THRB: variants seen among roughly 807,000 people sequenced by gnomAD.
THRB encodes nuclear receptor subfamily 1 group A member 2.
Under a neutral mutation model 47.8 loss-of-function variants are expected in THRB, and 12 were observed. That is an observed-to-expected ratio of 0.25 (90% CI 0.16 to 0.41). The LOEUF is 0.41. Ranked by LOEUF, THRB falls within the 10% of genes least tolerant of loss-of-function variation. The pLI is 1.00. For missense variants in THRB, 348 were observed against 589.2 expected, an observed-to-expected ratio of 0.59 and a Z score of 4.24; for synonymous variants, 218 against 212.2, an observed-to-expected ratio of 1.03 and a Z score of -0.24.
chr3:24,164,928 A>G, intron 5 of THRB: 5 of 618,076 alleles, frequency 8.1e-6, no homozygotes, highest in African/African-American at 1.8e-5. Flanking sequence ...TTAGCGTTCA[A>G]ATTCAAAGAT....
chr3:24,302,870 G>A (rs777452950), intron 2 of THRB, among the ~76,000 whole-genome samples: 23 of 152,150 alleles, frequency 1.5e-4, no homozygotes, highest in Admixed American at 4.6e-4. Flanking sequence ...TTATTATTCA[G>A]TGAGTGTTTA....
intron 9 of THRB, among the ~76,000 whole-genome samples, chr3:24,132,253 A>G (rs1705734): frequency 0.56 from 84,706 of 151,982 alleles, 23,918 homozygotes; most frequent in East Asian, 0.67. Flanking sequence ...TCTATTTGGT[A>G]TCTTTCTGGG....
At chr3:24,210,200 G>C (rs1443295708) in intron 4 of THRB, among the ~76,000 whole-genome samples, 3 of 152,152 alleles carry the variant, frequency 2.0e-5, no homozygotes, top group Non-Finnish European at 4.4e-5. Context: ...ATCTACAACT[G>C]CCTCAATTCT....
At chr3:24,282,114 C>A (rs528184933) in intron 3 of THRB, among the ~76,000 whole-genome samples, 1,278 of 117,976 alleles carry the variant, frequency 0.011, 32 homozygotes, top group African/African-American at 0.048. Flanking sequence ...CTCTCCACCC[C>A]AAATCAACAG....
At chr3:24,399,228 TAA>T (rs77046673) in intron 1 of THRB, among the ~76,000 whole-genome samples, 1 of 137,400 alleles carries the variant, frequency 7.3e-6, no homozygotes, top group Admixed American at 7.3e-5. Flanking sequence ...AAAGTATAAT[TAA>T]AAAAAAAAAA....
chr3:24,340,784 T>C (rs912909852), intron 1 of THRB, among the ~76,000 whole-genome samples: 3 of 152,248 alleles, frequency 2.0e-5, no homozygotes, highest in African/African-American at 7.2e-5. Context: ...GAAAGTCCTG[T>C]TTCTCCATAT....
chr3:24,479,549 T>C (rs1286398817), intron 1 of THRB, among the ~76,000 whole-genome samples: 1 of 152,010 alleles, frequency 6.6e-6, no homozygotes, highest in Non-Finnish European at 1.5e-5. Flanking sequence ...ATGAAGACAG[T>C]ATGGGAGGAA....
At chr3:24,333,937 CT>C (rs199629526) in intron 2 of THRB, among the ~76,000 whole-genome samples, 4,263 of 152,300 alleles carry the variant, frequency 0.028, 62 homozygotes, top group Middle Eastern at 0.041. Flanking sequence ...TCATCATTTC[CT>C]TTTTCAAAAA....
At chr3:24,314,312 G>C (rs1254558453) in intron 2 of THRB, among the ~76,000 whole-genome samples, 1 of 152,150 alleles carries the variant, frequency 6.6e-6, no homozygotes, top group Admixed American at 6.5e-5. Context: ...ATCACCTTAG[G>C]AAAAGCCTAG....
chr3:24,484,040 C>CCA, intron 1 of THRB: 1 of 152,344 alleles, frequency 6.6e-6, no homozygotes, highest in Admixed American at 6.5e-5. Context: ...AGCCCATGAC[C>CCA]TCAGAGCCAT....
chr3:24,352,843 T>G (rs964277520), intron 1 of THRB, among the ~76,000 whole-genome samples: 1 of 152,178 alleles, frequency 6.6e-6, no homozygotes, highest in Non-Finnish European at 1.5e-5. Context: ...AGAATGAATA[T>G]TCAATTTCTT....
intron 3 of THRB, among the ~76,000 whole-genome samples, chr3:24,278,188 TCTCA>T (rs2054137964): frequency 2.0e-5 from 3 of 152,208 alleles, no homozygotes; most frequent in Non-Finnish European, 2.9e-5. Flanking sequence ...TTGTTCACTC[TCTCA>T]CTAATTATTA....
At chr3:24,131,689 C>T (rs1024312262) in intron 9 of THRB, among the ~76,000 whole-genome samples, 5 of 152,148 alleles carry the variant, frequency 3.3e-5, no homozygotes, top group Non-Finnish European at 7.4e-5. Flanking sequence ...CAAAGATCTC[C>T]CTTGTCCTGT....
At chr3:24,339,613 C>T (rs1020935537) in intron 1 of THRB, among the ~76,000 whole-genome samples, 1 of 152,088 alleles carries the variant, frequency 6.6e-6, no homozygotes, top group Non-Finnish European at 1.5e-5. Flanking sequence ...CATGCGGCAT[C>T]TTTTTCATGC....
intron 3 of THRB, among the ~76,000 whole-genome samples, chr3:24,280,259 C>A (rs554369379): frequency 1.3e-5 from 2 of 152,128 alleles, no homozygotes; most frequent in Non-Finnish European, 2.9e-5. Flanking sequence ...CAGACTGCTT[C>A]CTCAAGTGGG....
intron 7 of THRB, 193 bp from the exon 8 acceptor site, chr3:24,143,899 C>A: frequency 3.2e-6 from 2 of 627,922 alleles, no homozygotes; most frequent in South Asian, 3.8e-5. Flanking sequence ...CCAACATGGT[C>A]TCTAGAGCCA....
intron 2 of THRB, among the ~76,000 whole-genome samples, 154 bp from the exon 3 acceptor site, chr3:24,297,525 T>A (rs751677181): frequency 2.0e-5 from 3 of 152,240 alleles, no homozygotes; most frequent in Admixed American, 6.5e-5. Flanking sequence ...GAAGGCCCTA[T>A]AAACAAATGC....
intron 3 of THRB, among the ~76,000 whole-genome samples, chr3:24,230,111 G>C (rs962043490): frequency 6.6e-6 from 1 of 152,178 alleles, no homozygotes; most frequent in Non-Finnish European, 1.5e-5. Flanking sequence ...AGAAGAAAAA[G>C]AACGAGGCAG....
intron 5 of THRB, among the ~76,000 whole-genome samples, chr3:24,181,388 G>A (rs542114503): frequency 3.3e-5 from 5 of 152,318 alleles, no homozygotes; most frequent in East Asian, 3.9e-4. Flanking sequence ...GCTGGTAAGC[G>A]TCAAAGCCAA....
Sources: allele counts gnomAD v4.1 joint callset (sites outside exome capture counted in the v4.1 genomes callset), GRCh38; gene constraint gnomAD v4.1.1; transcripts MANE v1.5; gene names NCBI Gene and HGNC (gene_info 2026-07-23, HGNC 2026-07-21).